The following GALNT13 variants were observed in gnomAD, a reference collection of about 807,000 sequenced individuals.
GALNT13 encodes polypeptide N-acetylgalactosaminyltransferase 13, also known as UDP-GalNAc:polypeptide N-acetylgalactosaminyltransferase 13.
In GALNT13, 28 loss-of-function variants were observed where a neutral mutation model predicts 64.2. That is an observed-to-expected ratio of 0.44 (90% confidence interval 0.32 to 0.60). The LOEUF is 0.60. GALNT13 is among the 20% of genes least tolerant of loss of function. GALNT13 has a pLI of 0.05. For synonymous variants in GALNT13, 214 were observed against 224.6 expected (o/e 0.95, Z 0.42); for missense variants, 577 against 669.8 (o/e 0.86, Z 1.53).
the GALNT13 span, among the ~76,000 whole-genome samples, chr2:153,630,318 A>G: frequency 2.0e-5 from 3 of 152,098 alleles, no homozygotes; most frequent in Non-Finnish European, 4.4e-5. Context: ...CTATGCAGCC[A>G]TAAAAAATGA....
At chr2:153,187,686 T>C in the GALNT13 span, 10 of 152,156 alleles carry the variant, frequency 6.6e-5, no homozygotes, top group African/African-American at 2.4e-4. Flanking sequence ...AGTAAATATA[T>C]GGGAAAACAT....
rs371612062 is a variant in GALNT13, at chr2:154,057,847, A to T, written c.143-82490A>T. Among the ~76,000 whole-genome samples the T allele has an allele frequency of 4.6e-5, 7 of 152,344 alleles. No individual in the cohort carries two copies. The East Asian group carries it at 1.3e-3, about 29-fold the overall frequency. On this transcript the variant is annotated intron_variant, in intron 3 of 12. Transcript: ENST00000392825. Reference sequence around the variant, plus strand: ...TGGATAATCTACACACTAAATGTTTATTAGGGAAGGAAAAGTACTTTTAGA... The same window carrying T: ...TGGATAATCTACACACTAAATGTTTTTTAGGGAAGGAAAAGTACTTTTAGA...
intron 3 of GALNT13, among the ~76,000 whole-genome samples, chr2:154,019,492 G>A (rs1006914318): frequency 2.0e-5 from 3 of 151,236 alleles, no homozygotes; most frequent in African/African-American, 4.9e-5. Flanking sequence ...AAATTAGCTG[G>A]GTGTGGTGAC....
At chr2:153,153,262 G>C in the GALNT13 span, among the ~76,000 whole-genome samples, 1 of 151,988 alleles carries the variant, frequency 6.6e-6, no homozygotes, top group African/African-American at 2.4e-5. Context: ...TTTTGTTCCT[G>C]TAAATTTGTT....
intron 4 of GALNT13, among the ~76,000 whole-genome samples, chr2:154,152,787 C>T (rs949590273): frequency 3.3e-5 from 5 of 152,184 alleles, no homozygotes; most frequent in African/African-American, 1.2e-4. Flanking sequence ...TCCATCAGCT[C>T]ATTTAAGCAC....
intron 9 of GALNT13, among the ~76,000 whole-genome samples, chr2:154,352,724 C>T (rs963115109): frequency 3.9e-5 from 6 of 152,184 alleles, no homozygotes; most frequent in African/African-American, 1.4e-4. Context: ...ACATAAGTTT[C>T]TTCAATGTAC....
At chr2:153,442,826 G>T in the GALNT13 span, among the ~76,000 whole-genome samples, 203 of 152,248 alleles carry the variant, frequency 1.3e-3, no homozygotes, top group Non-Finnish European at 2.5e-3. Flanking sequence ...TGAACTTCCC[G>T]AGTGGCTTTG....
the GALNT13 span, among the ~76,000 whole-genome samples, chr2:153,346,906 A>G: frequency 1.3e-5 from 2 of 152,204 alleles, no homozygotes; most frequent in Non-Finnish European, 2.9e-5. Context: ...TAAATATTTC[A>G]TAATTTGTAT....
the GALNT13 span, among the ~76,000 whole-genome samples, chr2:153,276,343 G>GCA: frequency 6.6e-6 from 1 of 151,858 alleles, no homozygotes; most frequent in Non-Finnish European, 1.5e-5. Flanking sequence ...TATAGAAAAA[G>GCA]CATCCTCTTG....
chr2:154,382,808 G>A (rs1290197164), intron 9 of GALNT13, among the ~76,000 whole-genome samples: 1 of 150,696 alleles, frequency 6.6e-6, no homozygotes, highest in Non-Finnish European at 1.5e-5. Context: ...TTAAATATAA[G>A]TTTCTACTGT....
chr2:153,649,332 G>A, the GALNT13 span, among the ~76,000 whole-genome samples: 2 of 151,828 alleles, frequency 1.3e-5, no homozygotes, highest in East Asian at 3.9e-4. Context: ...ATTTTTTATT[G>A]CGTCTGTTTG....
intron 3 of GALNT13, among the ~76,000 whole-genome samples, chr2:153,968,852 T>C (rs1250303166): frequency 6.6e-6 from 1 of 152,220 alleles, no homozygotes; most frequent in Admixed American, 6.5e-5. Flanking sequence ...GATCTTCTTA[T>C]CTCATCATCA....
intron 9 of GALNT13, among the ~76,000 whole-genome samples, chr2:154,353,553 C>T (rs191016691): frequency 7.9e-5 from 12 of 152,124 alleles, no homozygotes; most frequent in South Asian, 2.1e-4. Flanking sequence ...ACTTTGTATT[C>T]GTTGGTATCT....
At chr2:153,557,176 G>C in the GALNT13 span, among the ~76,000 whole-genome samples, 1 of 152,038 alleles carries the variant, frequency 6.6e-6, no homozygotes, top group Admixed American at 6.5e-5. Context: ...GATGTGTTTA[G>C]ATACACAGAT....
At chr2:153,840,876 G>T in the GALNT13 span, among the ~76,000 whole-genome samples, 7 of 152,220 alleles carry the variant, frequency 4.6e-5, no homozygotes, top group East Asian at 1.4e-3. Context: ...CATGGCAAGT[G>T]CAATTGAAGA....
chr2:153,797,170 G>A, the GALNT13 span, among the ~76,000 whole-genome samples: 1 of 152,206 alleles, frequency 6.6e-6, no homozygotes, highest in Non-Finnish European at 1.5e-5. Context: ...ATAACAGAGA[G>A]CCTAATGGCA....
the GALNT13 span, among the ~76,000 whole-genome samples, chr2:153,817,752 T>A: frequency 2.6e-5 from 4 of 152,310 alleles, no homozygotes; most frequent in South Asian, 8.3e-4. Flanking sequence ...TAACACCACA[T>A]AAAATTTTGT....
chr2:153,424,660 A>T, the GALNT13 span, among the ~76,000 whole-genome samples: 1 of 151,902 alleles, frequency 6.6e-6, no homozygotes, highest in Non-Finnish European at 1.5e-5. Context: ...GTGGTAGCAT[A>T]AGTTGGTAGA....
the GALNT13 span, among the ~76,000 whole-genome samples, chr2:153,409,046 C>T: frequency 1.3e-5 from 2 of 152,098 alleles, no homozygotes; most frequent in African/African-American, 2.4e-5. Flanking sequence ...ACTCCAAGTT[C>T]TTCGGCTTTT....
Sources: gnomAD v4.1 joint callset for allele counts (sites outside exome capture counted in the v4.1 genomes callset) on GRCh38, gnomAD v4.1.1 for gene constraint, MANE v1.5 for transcripts, NCBI Gene and HGNC (gene_info 2026-07-23, HGNC 2026-07-21) for gene names.